Variants in INPP5D observed in about 807,000 individuals in gnomAD.
INPP5D encodes the protein inositol polyphosphate-5-phosphatase D.
A neutral mutation model predicts 122.9 loss-of-function variants in INPP5D; 33 were observed. The observed-to-expected ratio is 0.27, with a 90% CI of 0.20 to 0.36. INPP5D has a LOEUF of 0.36. Ranked by LOEUF, INPP5D falls within the 10% of genes least tolerant of loss-of-function variation. The probability of loss-of-function intolerance (pLI) is 1.00; values close to 1 mark genes in which losing one functional copy is unlikely to be tolerated. For missense variants in INPP5D, 1,053 were observed against 1,412.7 expected (o/e 0.75, Z 4.08); for synonymous variants, 584 against 576.2 (o/e 1.01, Z -0.19).
chr2:233,182,628 C>T, intron 19 of INPP5D, 129 bp downstream of exon 19: 1 of 1,397,326 alleles, frequency 7.2e-7, no homozygotes, highest in Non-Finnish European at 9.6e-7. Flanking sequence ...TCCACAATAT[C>T]AGTCAGTTTC....
At chr2:233,200,860 CTGA>C (rs1233137680) in intron 25 of INPP5D, among the ~76,000 whole-genome samples, 1 of 152,006 alleles carries the variant, frequency 6.6e-6, no homozygotes, top group Non-Finnish European at 1.5e-5. Flanking sequence ...TCAGGAGTCT[CTGA>C]GACACGAGAA....
chr2:233,094,101 C>A (rs373422830), intron 2 of INPP5D, among the ~76,000 whole-genome samples: 4 of 151,850 alleles, frequency 2.6e-5, no homozygotes, highest in Admixed American at 1.3e-4. Flanking sequence ...CCCCTCCCCC[C>A]CCAAAAAAGA....
At chr2:233,162,403 A>C (rs370412162) in intron 11 of INPP5D, among the ~76,000 whole-genome samples, 2 of 72,396 alleles carry the variant, frequency 2.8e-5, no homozygotes, top group Non-Finnish European at 1.0e-4. Flanking sequence ...ATGCTAAATA[A>C]GTGTAATTAT....
intron 9 of INPP5D, 96 bp from the exon 10 acceptor site, chr2:233,158,217 C>T (rs540364529): frequency 1.3e-4 from 77 of 611,002 alleles, no homozygotes; most frequent in Admixed American, 2.4e-4. Flanking sequence ...AGCTTGGGGA[C>T]GGGAGTTGAT....
At chr2:233,097,247 T>G (rs1287608041) in intron 2 of INPP5D, among the ~76,000 whole-genome samples, 1 of 152,182 alleles carries the variant, frequency 6.6e-6, no homozygotes, top group Non-Finnish European at 1.5e-5. Context: ...CGAGGTGGCT[T>G]TCTTGTGTGT....
Position 233,146,254 on chromosome 2 carries a change from G to A in INPP5D, c.834+12G>A, listed in dbSNP as rs528856202. On this transcript the variant is annotated intron_variant, in intron 7 of 26. Coordinates refer to ENST00000445964, the MANE Select transcript of INPP5D (RefSeq NM_001017915.3). Reference sequence around the variant, plus strand: ...CCATTGAAGACAAGGTACGTGTGGGGCTCCTGCGGCTTCTCTTGGTCTCCT... The same window carrying A: ...CCATTGAAGACAAGGTACGTGTGGGACTCCTGCGGCTTCTCTTGGTCTCCT... 113 of 704,268 alleles carry A rather than the reference G, an allele frequency of 1.6e-4. 1 individual carries two copies. The highest frequency in any genetic ancestry group is 1.1e-3 in the African/African-American group (63 of 57,370). The allele number at this position is 704,268 out of a possible 1,614,324, so 43.6% of individuals were successfully genotyped here. A position where few individuals can be genotyped will look rare whatever the true frequency, so the allele number is the denominator to read the frequency against.
intron 3 of INPP5D, among the ~76,000 whole-genome samples, chr2:233,123,978 A>C (rs1693076056): frequency 6.6e-6 from 1 of 152,150 alleles, no homozygotes; most frequent in Admixed American, 6.5e-5. Flanking sequence ...GGGTGGGAGG[A>C]GGGACAGGAT....
intron 18 of INPP5D, among the ~76,000 whole-genome samples, chr2:233,180,294 G>C (rs775470139): frequency 6.6e-6 from 1 of 151,816 alleles, no homozygotes; most frequent in Non-Finnish European, 1.5e-5. Context: ...CACCTCCTAG[G>C]CTTAAGGGCA....
intron 25 of INPP5D, among the ~76,000 whole-genome samples, chr2:233,202,308 C>G (rs4468807): frequency 6.6e-6 from 1 of 152,092 alleles, no homozygotes; most frequent in African/African-American, 2.4e-5. Context: ...AGGGTCCACA[C>G]GGGGGTCAGA....
In INPP5D at chr2:233,080,317, G is replaced by A. The variant is rs545280719; in HGVS notation, c.198+919G>A. On this transcript the variant is annotated intron_variant, in intron 2 of 26. Transcript: ENST00000445964. ...CACGGTTTACTAAAGCCTTTGTTTC[G>A]CCACAAAATGTGACAACTGAGTGTG... is the stretch of plus-strand genomic sequence containing the variant. Among the ~76,000 whole-genome samples the A allele has an allele frequency of 7.9e-5, 12 of 152,214 alleles. No individual in the cohort carries two copies. The South Asian group carries it at 1.9e-3, about 24-fold the overall frequency.
chr2:233,069,477 C>G (rs571191698), intron 1 of INPP5D, among the ~76,000 whole-genome samples: 116 of 152,336 alleles, frequency 7.6e-4, no homozygotes, highest in African/African-American at 2.6e-3. Context: ...CTTCTTCTCT[C>G]TACCTCCCTG....
At chr2:233,107,071 C>A (rs1390825118) in intron 2 of INPP5D, among the ~76,000 whole-genome samples, 1 of 152,162 alleles carries the variant, frequency 6.6e-6, no homozygotes, top group African/African-American at 2.4e-5. Flanking sequence ...ATTTGGGGAC[C>A]TGATGATCTC....
At chr2:233,131,586 G>T (rs1020994013) in intron 5 of INPP5D, among the ~76,000 whole-genome samples, 2 of 151,918 alleles carry the variant, frequency 1.3e-5, no homozygotes, top group South Asian at 2.1e-4. Context: ...TGTGATCCCA[G>T]CTACTCTGGA....
At chr2:233,182,944 A>C (rs1694821314) in intron 19 of INPP5D, among the ~76,000 whole-genome samples, 1 of 152,168 alleles carries the variant, frequency 6.6e-6, no homozygotes, top group African/African-American at 2.4e-5. Flanking sequence ...AGCTACACTT[A>C]ATTTTAAAAA....
At chr2:233,175,542 G>C (rs954595903) in intron 17 of INPP5D, among the ~76,000 whole-genome samples, 2 of 152,140 alleles carry the variant, frequency 1.3e-5, no homozygotes, top group African/African-American at 4.8e-5. Context: ...TCTTGCTCTG[G>C]GTAGTGGGTA....
rs1248732005 is a variant in INPP5D, at chr2:233,078,961, G to A, written c.135-374G>A. 2.0e-5 allele frequency among the ~76,000 whole-genome samples: 3 copies of A among 152,078 alleles called. No homozygotes were observed. The highest frequency in any genetic ancestry group is 2.1e-4 in the South Asian group (1 of 4,826). On this transcript the variant is annotated intron_variant, in intron 1 of 26. Transcript: ENST00000445964. The surrounding 1 kb of genome is among the most constrained non-coding windows in gnomAD (Gnocchi z 4.6). ...CTCCCAAAGTGCTGGGATTACAGGC[G>A]TGAGCCACCGTGCCTGGCCTGCAAG...
intron 2 of INPP5D, among the ~76,000 whole-genome samples, chr2:233,092,646 G>A (rs1312703735): frequency 2.0e-5 from 3 of 152,174 alleles, no homozygotes; most frequent in African/African-American, 7.2e-5. Context: ...AAGGGGAAAT[G>A]GAAATAGCAA....
chr2:233,137,819 C>T lies in INPP5D; in HGVS notation c.666-2023C>T, dbSNP rs1326600915. Among the ~76,000 whole-genome samples, 9 of 55,028 alleles carry T rather than the reference C, an allele frequency of 1.6e-4. No individual in the cohort carries two copies. In the Admixed American group the frequency reaches 1.9e-3, roughly 12 times the overall value. The allele number at this position is 55,028 out of a possible 152,430, so 36.1% of individuals were successfully genotyped here. A position where few individuals can be genotyped will look rare whatever the true frequency, so the allele number is the denominator to read the frequency against. On this transcript the variant is annotated intron_variant, in intron 5 of 26. Coordinates refer to ENST00000445964, the MANE Select transcript of INPP5D (RefSeq NM_001017915.3). ...TGCACTCCAGCCTGGGCAACAAGAG[C>T]GAAACTCCATCACAAAAAAAAAAAA...
intron 2 of INPP5D, among the ~76,000 whole-genome samples, chr2:233,099,791 C>T (rs751186870): frequency 2.0e-5 from 3 of 152,046 alleles, no homozygotes; most frequent in South Asian, 4.1e-4. Context: ...TGGGGTGGGG[C>T]GTGTATTAGT....
Sources: gnomAD v4.1 joint callset for allele counts (sites outside exome capture counted in the v4.1 genomes callset) on GRCh38, gnomAD v4.1.1 for gene constraint, Gnocchi (gnomAD v3.1) non-coding constraint, MANE v1.5 for transcripts, NCBI Gene and HGNC (gene_info 2026-07-23, HGNC 2026-07-21) for gene names.